BCAR3: variants seen among roughly 807,000 people sequenced by gnomAD.
BCAR3 encodes the protein BCAR3 adaptor protein, NSP family member.
Under a neutral mutation model 80.1 loss-of-function variants are expected in BCAR3, and 37 were observed. The observed-to-expected ratio is 0.46, with a 90% CI of 0.36 to 0.61. BCAR3 has a LOEUF of 0.61. Ranked by LOEUF, BCAR3 falls within the 20% of genes least tolerant of loss-of-function variation. The pLI is 0.00. For missense variants in BCAR3, 978 were observed against 1,068.2 expected (o/e 0.92, Z 1.18); for synonymous variants, 389 against 418.9 (o/e 0.93, Z 0.87).
At chr1:93,844,912 G>A (rs951068719) in intron 2 of BCAR3, among the ~76,000 whole-genome samples, 4 of 151,924 alleles carry the variant, frequency 2.6e-5, no homozygotes, top group Admixed American at 6.6e-5. Context: ...GTACAACCTT[G>A]ATAGCTCACA....
chr1:93,573,712 T>G (rs1382236478), intron 8 of BCAR3, among the ~76,000 whole-genome samples: 1 of 151,654 alleles, frequency 6.6e-6, no homozygotes, highest in African/African-American at 2.4e-5. Flanking sequence ...CACTGCAGCC[T>G]TGACCTCCCT....
intron 2 of BCAR3, among the ~76,000 whole-genome samples, chr1:93,784,794 G>A (rs188723737): frequency 1.3e-5 from 2 of 152,364 alleles, no homozygotes; most frequent in African/African-American, 2.4e-5. Flanking sequence ...AACAGTGGAT[G>A]AACACTGGGC....
chr1:93,649,227 G>A (rs1676244375), intron 2 of BCAR3, among the ~76,000 whole-genome samples: 1 of 152,160 alleles, frequency 6.6e-6, no homozygotes, highest in Non-Finnish European at 1.5e-5. Flanking sequence ...GGAGCACAGG[G>A]GAGTTCACCC....
chr1:93,649,498 A>C, intron 2 of BCAR3, among the ~76,000 whole-genome samples: 1 of 152,032 alleles, frequency 6.6e-6, no homozygotes, highest in African/African-American at 2.4e-5. Context: ...ATGCCTCTCT[A>C]GAGAAAGGGA....
chr1:93,750,816 G>A (rs1055544578), intron 2 of BCAR3, among the ~76,000 whole-genome samples: 1 of 152,154 alleles, frequency 6.6e-6, no homozygotes, highest in Non-Finnish European at 1.5e-5. Context: ...GTGATTCCAG[G>A]TTCCAACAGT....
chr1:93,697,728 C>T (rs1460683958), intron 3 of BCAR3, among the ~76,000 whole-genome samples: 14 of 152,098 alleles, frequency 9.2e-5, no homozygotes, highest in Non-Finnish European at 1.6e-4. Context: ...GCCTGTAATC[C>T]CAGCACTTTG....
intron 3 of BCAR3, among the ~76,000 whole-genome samples, chr1:93,625,030 G>A (rs1263050950): frequency 6.6e-6 from 1 of 152,118 alleles, no homozygotes; most frequent in African/African-American, 2.4e-5. Flanking sequence ...CTAACATGGT[G>A]AAACCCCACC....
chr1:93,662,160 C>A (rs954806608), intron 2 of BCAR3, among the ~76,000 whole-genome samples: 1 of 152,216 alleles, frequency 6.6e-6, no homozygotes, highest in Non-Finnish European at 1.5e-5. Context: ...GAGTTAAAAA[C>A]AATTCACCAG....
chr1:93,726,436 A>G (rs960026886), intron 2 of BCAR3, among the ~76,000 whole-genome samples: 2 of 152,174 alleles, frequency 1.3e-5, no homozygotes, highest in African/African-American at 4.8e-5. Context: ...ATGTGTCTCA[A>G]AAAAAATTCT....
chr1:93,642,897 C>T (rs1676027418), intron 2 of BCAR3, among the ~76,000 whole-genome samples: 1 of 152,216 alleles, frequency 6.6e-6, no homozygotes, highest in South Asian at 2.1e-4. Flanking sequence ...AAAATCTCAG[C>T]AATTCATCCT....
intron 2 of BCAR3, among the ~76,000 whole-genome samples, chr1:93,710,794 T>C (rs1282939307): frequency 6.6e-6 from 1 of 152,190 alleles, no homozygotes; most frequent in Non-Finnish European, 1.5e-5. Context: ...CCCCCAAACC[T>C]AGTAGCTTAA....
intron 2 of BCAR3, among the ~76,000 whole-genome samples, chr1:93,713,048 G>T (rs574853519): frequency 5.3e-5 from 8 of 152,318 alleles, no homozygotes; most frequent in African/African-American, 1.9e-4. Flanking sequence ...TGATGAGAAT[G>T]TTCTCTGCAC....
intron 2 of BCAR3, among the ~76,000 whole-genome samples, chr1:93,843,270 G>A (rs1386080837): frequency 6.6e-6 from 1 of 152,198 alleles, no homozygotes; most frequent in African/African-American, 2.4e-5. Flanking sequence ...GGGGTAGGGA[G>A]CTGCAGAATG....
At position 93,832,315 on chromosome 1, in the gene BCAR3, C is replaced by T. The variant is rs373654513; in HGVS notation, c.-63+13252G>A. 2.6e-4 allele frequency among the ~76,000 whole-genome samples: 40 copies of T among 152,296 alleles called. 3 individuals are homozygous for T. The highest frequency in any genetic ancestry group is 1.2e-3 in the Admixed American group (19 of 15,308). On this transcript the variant is annotated intron_variant, in intron 2 of 13. Coordinates refer to the BCAR3 transcript ENST00000370244. ...CAGTCAGGCATTCCTCCAGGACTGC[C>T]TACCCCAGGATCTTGCTTCAAGTGC...
intron 1 of BCAR3, among the ~76,000 whole-genome samples, chr1:93,675,787 T>C (rs1196187055): frequency 2.0e-5 from 3 of 152,076 alleles, no homozygotes; most frequent in East Asian, 3.9e-4. Context: ...CACTCTCTCC[T>C]ATCTAGGACC....
In BCAR3 at chr1:93,589,163, A is replaced by G; in HGVS notation, c.743T>C (p.Ile248Thr). ...CGTCCTGTTGATGGGCTGGAAGATG[A>G]TGGCGCCACTCTGCTGGGAGATGGG... ...RRPISQQSGA[I>T]IFQPINRTVP... Residue 248 changes from isoleucine to threonine, a missense_variant, in exon 5 of 12, where the codon ATC becomes ACC. Ile to Thr is a moderately conservative substitution (Grantham distance 89). Transcript: ENST00000260502. The G allele has an allele frequency of 6.2e-7, 1 of 1,613,756 alleles. No homozygotes were observed. The highest frequency in any genetic ancestry group is 8.5e-7 in the Non-Finnish European group (1 of 1,179,936).
chr1:93,672,022 T>C (rs930807528), intron 2 of BCAR3, among the ~76,000 whole-genome samples: 5 of 152,184 alleles, frequency 3.3e-5, no homozygotes, highest in African/African-American at 1.2e-4. Flanking sequence ...ACTTCCTGTA[T>C]TCATCTTTAA....
chr1:93,586,441 A>G lies in BCAR3; in HGVS notation c.930-2320T>C, dbSNP rs917783885. Among the ~76,000 whole-genome samples the G allele has an allele frequency of 6.6e-6, 1 of 152,162 alleles. No individual in the cohort carries two copies. The highest frequency in any genetic ancestry group is 1.5e-5 in the Non-Finnish European group (1 of 68,040). ...GTGTATATACACATTTCCCTTATCT[A>G]TTCAGCTGTTGATGGACACTTAGGC... On this transcript the variant is annotated intron_variant, in intron 5 of 11. Coordinates refer to ENST00000260502, the MANE Select transcript of BCAR3 (RefSeq NM_003567.4). The surrounding 1 kb of genome is among the most constrained non-coding windows in gnomAD (Gnocchi z 4.2).
intron 2 of BCAR3, among the ~76,000 whole-genome samples, chr1:93,715,133 A>G (rs1370737723): frequency 2.0e-5 from 3 of 152,256 alleles, no homozygotes; most frequent in Non-Finnish European, 4.4e-5. Flanking sequence ...GAATAAAATT[A>G]CAAACCAGGA....
Sources: gnomAD v4.1 joint callset for allele counts (sites outside exome capture counted in the v4.1 genomes callset) on GRCh38, gnomAD v4.1.1 for gene constraint, Gnocchi (gnomAD v3.1) non-coding constraint, MANE v1.5 for transcripts, NCBI Gene and HGNC (gene_info 2026-07-23, HGNC 2026-07-21) for gene names.